The following ENOX1 variants were observed in gnomAD, a reference collection of about 807,000 sequenced individuals.
The protein encoded by ENOX1 is ecto-NOX disulfide-thiol exchanger 1.
Under a neutral mutation model 82.5 loss-of-function variants are expected in ENOX1, and 42 were observed. The observed-to-expected ratio is 0.51, with a 90% CI of 0.40 to 0.66. ENOX1 has a LOEUF of 0.66. ENOX1 is among the 30% of genes least tolerant of loss of function. ENOX1 has a pLI of 0.00. For synonymous variants in ENOX1, 271 were observed against 282.2 expected (o/e 0.96, Z 0.40); for missense variants, 608 against 811.6 (o/e 0.75, Z 3.05).
At chr13:43,331,206 GGTTAGA>G (rs1443302382) in intron 9 of ENOX1, among the ~76,000 whole-genome samples, 10 of 152,304 alleles carry the variant, frequency 6.6e-5, no homozygotes, top group Admixed American at 2.0e-4. Context: ...GAAAGAGAAA[GGTTAGA>G]GTCCTCTAGA....
chr13:43,772,804 G>T (rs188142054), intron 1 of ENOX1, among the ~76,000 whole-genome samples: 1 of 150,070 alleles, frequency 6.7e-6, no homozygotes, highest in African/African-American at 2.5e-5. Context: ...ATACTGAGTG[G>T]TTCTCAAACT....
intron 1 of ENOX1, among the ~76,000 whole-genome samples, chr13:43,672,661 T>C (rs543393798): frequency 1.3e-5 from 2 of 152,282 alleles, no homozygotes; most frequent in South Asian, 4.1e-4. Flanking sequence ...TCGTGAGACC[T>C]AGATTTGTTA....
At chr13:43,588,145 T>G in intron 2 of ENOX1, among the ~76,000 whole-genome samples, 1 of 152,240 alleles carries the variant, frequency 6.6e-6, no homozygotes, top group East Asian at 1.9e-4. Flanking sequence ...ATATTTCTGT[T>G]AATTAACATA....
intron 2 of ENOX1, among the ~76,000 whole-genome samples, chr13:43,536,949 T>C (rs753416620): frequency 1.1e-4 from 16 of 152,248 alleles, no homozygotes; most frequent in Non-Finnish European, 1.6e-4. Flanking sequence ...TCAGATGGAA[T>C]GGAAGAAAAT....
At chr13:43,429,271 TGA>T (rs2055519607) in intron 3 of ENOX1, among the ~76,000 whole-genome samples, 1 of 152,178 alleles carries the variant, frequency 6.6e-6, no homozygotes, top group Admixed American at 6.5e-5. Flanking sequence ...TCATATATTT[TGA>T]GAGTTAAAAT....
chr13:43,737,322 T>C (rs2089682289), intron 1 of ENOX1, among the ~76,000 whole-genome samples: 1 of 152,158 alleles, frequency 6.6e-6, no homozygotes, highest in Non-Finnish European at 1.5e-5. Context: ...TAACAGTAAA[T>C]ACCAGAAAGC....
chr13:43,505,246 T>C (rs372975905), intron 2 of ENOX1, among the ~76,000 whole-genome samples: 2 of 151,702 alleles, frequency 1.3e-5, no homozygotes, highest in African/African-American at 4.8e-5. Flanking sequence ...CCAAAGAAAA[T>C]TGGAGTGAAT....
chr13:43,387,123 A>G (rs1378981035), intron 5 of ENOX1, among the ~76,000 whole-genome samples: 1 of 152,182 alleles, frequency 6.6e-6, no homozygotes, highest in Non-Finnish European at 1.5e-5. Context: ...TTTGAACAGG[A>G]CAGACTTGCT....
At chr13:43,396,384 A>T (rs946667357) in intron 5 of ENOX1, among the ~76,000 whole-genome samples, 1 of 151,950 alleles carries the variant, frequency 6.6e-6, no homozygotes, top group Non-Finnish European at 1.5e-5. Context: ...GATTACCTTA[A>T]TTTTTTTCTT....
intron 2 of ENOX1, among the ~76,000 whole-genome samples, chr13:43,520,450 T>G (rs889205417): frequency 2.0e-5 from 3 of 152,216 alleles, no homozygotes; most frequent in Non-Finnish European, 2.9e-5. Context: ...ATGACAATGT[T>G]TTATTTAAAT....
chr13:43,694,824 G>A (rs956993972), intron 1 of ENOX1, among the ~76,000 whole-genome samples: 10 of 152,000 alleles, frequency 6.6e-5, no homozygotes, highest in Admixed American at 4.6e-4. Flanking sequence ...GTTTTCTCCC[G>A]TTTCTTTGAG....
intron 2 of ENOX1, among the ~76,000 whole-genome samples, chr13:43,499,297 T>C (rs1219862306): frequency 6.6e-6 from 1 of 151,994 alleles, no homozygotes; most frequent in Admixed American, 6.6e-5. Context: ...AAGAGTAAAG[T>C]ATAGACTATA....
chr13:43,680,497 G>A (rs767284343), intron 1 of ENOX1, among the ~76,000 whole-genome samples: 2 of 152,090 alleles, frequency 1.3e-5, no homozygotes, highest in Non-Finnish European at 2.9e-5. Flanking sequence ...CTCTGCCTTG[G>A]AGAAGATGCA....
chr13:43,762,795 G>T (rs1951057446), intron 1 of ENOX1, among the ~76,000 whole-genome samples: 1 of 152,184 alleles, frequency 6.6e-6, no homozygotes, highest in Admixed American at 6.5e-5. Context: ...TAAAAAGAAA[G>T]TGTCACATAT....
At chr13:43,367,020 T>C (rs1483636239) in intron 5 of ENOX1, among the ~76,000 whole-genome samples, 2 of 152,308 alleles carry the variant, frequency 1.3e-5, no homozygotes, top group Non-Finnish European at 2.9e-5. Flanking sequence ...ATAATGATGA[T>C]TACAAAGTCT....
chr13:43,568,328 C>A (rs2080009663), intron 2 of ENOX1, among the ~76,000 whole-genome samples: 1 of 152,178 alleles, frequency 6.6e-6, no homozygotes, highest in African/African-American at 2.4e-5. Flanking sequence ...GAGAGTGGCA[C>A]ACACTGAGAA....
intron 8 of ENOX1, among the ~76,000 whole-genome samples, chr13:43,354,391 T>C (rs1447438833): frequency 6.6e-6 from 1 of 151,712 alleles, no homozygotes; most frequent in Admixed American, 6.6e-5. Context: ...GGTATTTCAG[T>C]GGCAGCTGCA....
At chr13:43,339,717 G>C (rs1248884154) in intron 9 of ENOX1, among the ~76,000 whole-genome samples, 1 of 152,218 alleles carries the variant, frequency 6.6e-6, no homozygotes, top group Non-Finnish European at 1.5e-5. Context: ...TTTATGTGGA[G>C]AGGGAGCAGT....
chr13:43,301,962 C>T (rs2046602319), intron 11 of ENOX1, among the ~76,000 whole-genome samples: 1 of 152,098 alleles, frequency 6.6e-6, no homozygotes. Context: ...GAAAGGGAAA[C>T]TTTTTATTTC....
Sources: gnomAD v4.1 joint callset for allele counts (sites outside exome capture counted in the v4.1 genomes callset) on GRCh38, gnomAD v4.1.1 for gene constraint, MANE v1.5 for transcripts, NCBI Gene and HGNC (gene_info 2026-07-23, HGNC 2026-07-21) for gene names.